Variants in INPP5A observed in about 807,000 individuals in gnomAD.
The protein encoded by INPP5A is inositol polyphosphate-5-phosphatase A.
In INPP5A, 14 loss-of-function variants were observed where a neutral mutation model predicts 65.2. The observed-to-expected ratio is 0.21, with a 90% CI of 0.14 to 0.34. The LOEUF is 0.34. INPP5A is among the 10% of genes least tolerant of loss of function. The pLI is 1.00. For missense variants in INPP5A, 431 were observed against 545.6 expected (o/e 0.79, Z 2.09); for synonymous variants, 207 against 208.3 (o/e 0.99, Z 0.05).
At chr10:132,710,232 G>A (rs527282142) in intron 7 of INPP5A, 105 bp from the exon 8 acceptor site, 51 of 1,375,442 alleles carry the variant, frequency 3.7e-5, no homozygotes, top group East Asian at 5.0e-5. Flanking sequence ...TCCGCACGGC[G>A]GAGGCCAGTG....
intron 2 of INPP5A, among the ~76,000 whole-genome samples, chr10:132,621,364 T>A (rs1358057064): frequency 6.6e-6 from 1 of 152,186 alleles, no homozygotes; most frequent in Non-Finnish European, 1.5e-5. Flanking sequence ...TTAAGAATAC[T>A]CCTGTGGCAC....
At chr10:132,557,314 T>G (rs578133283) in intron 1 of INPP5A, among the ~76,000 whole-genome samples, 1 of 152,376 alleles carries the variant, frequency 6.6e-6, no homozygotes, top group South Asian at 2.1e-4. Context: ...GTCACAGTGC[T>G]CAGTGCCGGG....
chr10:132,721,330 G>A (rs1428055268), intron 8 of INPP5A, among the ~76,000 whole-genome samples: 17 of 149,904 alleles, frequency 1.1e-4, no homozygotes, highest in Admixed American at 4.6e-4. Flanking sequence ...GCTGTCTTGC[G>A]GGTTCTGTGG....
At chr10:132,765,625 C>T (rs1590997921) in intron 11 of INPP5A, 148 bp from the exon 12 acceptor site, 1 of 639,966 alleles carries the variant, frequency 1.6e-6, no homozygotes, top group East Asian at 2.7e-5. Flanking sequence ...CCTGCTGGCA[C>T]CACAGAGCTT....
chr10:132,718,351 GCTGT>G (rs1347267177), intron 8 of INPP5A, among the ~76,000 whole-genome samples: 1 of 149,724 alleles, frequency 6.7e-6, no homozygotes, highest in Non-Finnish European at 1.5e-5. Context: ...ACCTTAGACA[GCTGT>G]CTTCAGGGTT....
At chr10:132,692,210 G>A (rs1376356583) in intron 5 of INPP5A, among the ~76,000 whole-genome samples, 4 of 152,298 alleles carry the variant, frequency 2.6e-5, no homozygotes, top group Admixed American at 6.5e-5. Context: ...GAATCAGCGA[G>A]CTGGAAGGTG....
Position 132,651,480 on chromosome 10 carries a change from A to G in INPP5A, c.306+975A>G, listed in dbSNP as rs11594388. 0.32 allele frequency among the ~76,000 whole-genome samples: 26,203 copies of G among 82,318 alleles called. 2,780 individuals carry two copies. Among genetic ancestry groups the G allele is most frequent in the Middle Eastern group, 0.44 (56 of 128 alleles). 54.0% of individuals were successfully genotyped at this position (82,318 alleles called of 152,430 possible). On this transcript the variant is annotated intron_variant, in intron 4 of 15. Coordinates refer to ENST00000368594, the MANE Select transcript of INPP5A (RefSeq NM_005539.5). This position sits in a 1 kb window ranked among gnomAD's most constrained non-coding sequence, Gnocchi z 5.0. ...CCCCCGGCTTGGGTCCATCTCCCCC[A>G]TCTCTGGGGAGGCCCTGGGTCCCCC...
chr10:132,695,119 A>T (rs1333790760), intron 5 of INPP5A, among the ~76,000 whole-genome samples: 1 of 152,244 alleles, frequency 6.6e-6, no homozygotes, highest in Non-Finnish European at 1.5e-5. Context: ...AAAATGCTCA[A>T]CAAAATTCTC....
At chr10:132,722,023 A>G (rs923229264) in intron 8 of INPP5A, among the ~76,000 whole-genome samples, 5 of 152,220 alleles carry the variant, frequency 3.3e-5, no homozygotes, top group South Asian at 4.1e-4. Context: ...AGTGGCTTAA[A>G]CACATCTGCG....
chr10:132,601,485 C>T (rs1396019707), intron 1 of INPP5A, among the ~76,000 whole-genome samples: 1 of 152,210 alleles, frequency 6.6e-6, no homozygotes, highest in Non-Finnish European at 1.5e-5. Context: ...TTTTGATGCA[C>T]AAAAGTTGTT....
intron 8 of INPP5A, among the ~76,000 whole-genome samples, chr10:132,725,400 C>G (rs1845968292): frequency 6.6e-6 from 1 of 152,248 alleles, no homozygotes; most frequent in African/African-American, 2.4e-5. Flanking sequence ...CTCACGGCCA[C>G]TTGGCTCTCC....
At chr10:132,703,834 A>ACC (rs1176266228) in intron 6 of INPP5A, among the ~76,000 whole-genome samples, 7 of 13,198 alleles carry the variant, frequency 5.3e-4, no homozygotes, top group African/African-American at 1.2e-3. Context: ...ACGTGGCTTC[A>ACC]CCCCCCCCCA....
At chr10:132,591,753 C>T (rs1280480898) in intron 1 of INPP5A, among the ~76,000 whole-genome samples, 1 of 152,036 alleles carries the variant, frequency 6.6e-6, no homozygotes, top group Non-Finnish European at 1.5e-5. Context: ...TGTGCTGTGA[C>T]GCCATCTGCA....
At chr10:132,770,089 C>T (rs1283295223) in intron 12 of INPP5A, among the ~76,000 whole-genome samples, 4 of 152,190 alleles carry the variant, frequency 2.6e-5, no homozygotes, top group African/African-American at 7.2e-5. Context: ...GCGAGGGCGG[C>T]GCCTCTGGAA....
At position 132,546,809 on chromosome 10, in the gene INPP5A, C is replaced by G. The variant is rs2133247727; in HGVS notation, c.75+8638C>G. Among the ~76,000 whole-genome samples, 1 of 152,354 alleles carries G rather than the reference C, an allele frequency of 6.6e-6. No individual in the cohort carries two copies. The highest frequency in any genetic ancestry group is 2.4e-5 in the African/African-American group (1 of 41,594). ...CCACTGTTCTCCCTGGCCCTTCCCT[C>G]TCGTTTCTGCCTGGGCCTGCCTGGC... On this transcript the variant is annotated intron_variant, in intron 1 of 15. Coordinates refer to ENST00000368594, the MANE Select transcript of INPP5A (RefSeq NM_005539.5). This position sits in a 1 kb window ranked among gnomAD's most constrained non-coding sequence, Gnocchi z 5.7.
chr10:132,666,574 T>G (rs1436286232), intron 4 of INPP5A, among the ~76,000 whole-genome samples: 1 of 152,224 alleles, frequency 6.6e-6, no homozygotes, highest in African/African-American at 2.4e-5. Context: ...CTGCCGACTT[T>G]GCAGTGGGGC....
At chr10:132,712,762 G>A (rs1412749261) in intron 8 of INPP5A, among the ~76,000 whole-genome samples, 1 of 150,964 alleles carries the variant, frequency 6.6e-6, no homozygotes, top group African/African-American at 2.5e-5. Context: ...ATGTGTCTGT[G>A]TATTTGGGTG....
rs1312858279 is a variant in INPP5A at position 132,587,823 on chromosome 10, C to T, written c.76-20092C>T. On this transcript the variant is annotated intron_variant, in intron 1 of 15. Transcript: ENST00000368594. The surrounding 1 kb of genome is among the most constrained non-coding windows in gnomAD (Gnocchi z 4.3). ...GCCAGGAATTCGTGACTAGCCTGACCAACATGGTGAAATCCCGTCTCTACT... is the reference window on the plus strand; with the variant it reads ...GCCAGGAATTCGTGACTAGCCTGACTAACATGGTGAAATCCCGTCTCTACT... Among the ~76,000 whole-genome samples the T allele has an allele frequency of 6.6e-6, 1 of 151,574 alleles. No homozygotes were observed. Among genetic ancestry groups the T allele is most frequent in the Non-Finnish European group, 1.5e-5 (1 of 67,934 alleles).
At chr10:132,617,703 G>A (rs2072059202) in intron 2 of INPP5A, among the ~76,000 whole-genome samples, 1 of 152,242 alleles carries the variant, frequency 6.6e-6, no homozygotes, top group Non-Finnish European at 1.5e-5. Context: ...CACGTGGCGT[G>A]TGTGGAGCAA....
Sources: allele counts gnomAD v4.1 joint callset (sites outside exome capture counted in the v4.1 genomes callset), GRCh38; gene constraint gnomAD v4.1.1; non-coding constraint Gnocchi (gnomAD v3.1); transcripts MANE v1.5; gene names NCBI Gene and HGNC (gene_info 2026-07-23, HGNC 2026-07-21).